NOL10: variants seen among roughly 807,000 people sequenced by gnomAD.
NOL10 encodes H_NH0074G24.1.
A neutral mutation model predicts 103.5 loss-of-function variants in NOL10; 58 were observed. The observed-to-expected ratio is 0.56, with a 90% confidence interval of 0.45 to 0.70. The LOEUF (loss-of-function observed/expected upper bound fraction) is 0.70. Ranked by LOEUF, NOL10 falls within the 30% of genes least tolerant of loss-of-function variation. The pLI, the probability that NOL10 is intolerant of heterozygous loss-of-function variation, is 0.00. For synonymous variants in NOL10, 287 were observed against 282.5 expected (o/e 1.02, Z -0.16); for missense variants, 763 against 807.3 (o/e 0.95, Z 0.67).
At chr2:10,627,024 G>C (rs917968539) in intron 13 of NOL10, among the ~76,000 whole-genome samples, 1 of 152,180 alleles carries the variant, frequency 6.6e-6, no homozygotes, top group African/African-American at 2.4e-5. Context: ...ATGGGAAACG[G>C]GGAGGATATC....
intron 13 of NOL10, among the ~76,000 whole-genome samples, chr2:10,639,105 C>G (rs1678524109): frequency 6.6e-6 from 1 of 151,094 alleles, no homozygotes; most frequent in Non-Finnish European, 1.5e-5. Flanking sequence ...GCCTGGCCAA[C>G]TGAATTACTT....
chr2:10,571,893 G>C lies in NOL10; in HGVS notation c.*178C>G. 1 of 665,992 alleles carries C rather than the reference G, an allele frequency of 1.5e-6. No homozygotes were observed. The highest frequency in any genetic ancestry group is 2.2e-5 in the South Asian group (1 of 44,950). 41.3% of individuals were successfully genotyped at this position (665,992 alleles called of 1,614,324 possible). A position where few individuals can be genotyped will look rare whatever the true frequency, so the allele number is the denominator to read the frequency against. ...CTGGGGCTGTGCGGTGGCCGTCGGC[G>C]GGGCCAGCTTCAAAGTCCAACCCAC... On this transcript the variant is annotated 3_prime_UTR_variant, in exon 21 of 21. Transcript: ENST00000381685.
chr2:10,629,898 T>C (rs1677725201), intron 13 of NOL10, among the ~76,000 whole-genome samples: 1 of 152,170 alleles, frequency 6.6e-6, no homozygotes, highest in African/African-American at 2.4e-5. Flanking sequence ...TTATTCTTTT[T>C]CCCCTCAGTC....
intron 17 of NOL10, among the ~76,000 whole-genome samples, chr2:10,591,864 G>A (rs1326367577): frequency 1.3e-5 from 2 of 152,088 alleles, no homozygotes; most frequent in Admixed American, 6.6e-5. Flanking sequence ...TTAGTCAGGC[G>A]TGGTGGTGCA....
chr2:10,646,940 G>GT (rs962962913), intron 12 of NOL10, among the ~76,000 whole-genome samples: 5 of 152,188 alleles, frequency 3.3e-5, no homozygotes, highest in Admixed American at 2.6e-4. Context: ...AAAGATAACC[G>GT]TAAGTACAGT....
rs548689311 is a variant in NOL10, at chr2:10,640,330, A to G, written c.1026+3990T>C. Reference sequence around the variant, plus strand: ...AGTTTACAAAGAGCAGTTTCCAAGTAAAGACAAGTGGTGCTATAAAATATC... The same window carrying G: ...AGTTTACAAAGAGCAGTTTCCAAGTGAAGACAAGTGGTGCTATAAAATATC... On this transcript the variant is annotated intron_variant, in intron 13 of 20. Transcript: ENST00000381685. Among the ~76,000 whole-genome samples, 102 of 152,348 alleles carry G rather than the reference A, an allele frequency of 6.7e-4. 1 individual carries two copies. The highest frequency in any genetic ancestry group is 2.3e-3 in the African/African-American group (96 of 41,572).
intron 13 of NOL10, among the ~76,000 whole-genome samples, chr2:10,608,461 G>C (rs773129381): frequency 1.3e-5 from 2 of 152,096 alleles, no homozygotes; most frequent in African/African-American, 2.4e-5. Context: ...TATGCCAAAG[G>C]AAACCTTGGC....
intron 5 of NOL10, 64 bp downstream of exon 5, chr2:10,673,456 A>T: frequency 9.9e-7 from 1 of 1,012,652 alleles, no homozygotes; most frequent in Non-Finnish European, 1.4e-6. Context: ...GCTTATCATT[A>T]AAATAAATTC....
At chr2:10,639,845 AT>A (rs545890407) in intron 13 of NOL10, among the ~76,000 whole-genome samples, 6 of 152,276 alleles carry the variant, frequency 3.9e-5, no homozygotes, top group Non-Finnish European at 5.9e-5. Context: ...AATTAAAAAA[AT>A]AAAAATAAAA....
chr2:10,638,301 A>G (rs901813951), intron 13 of NOL10, among the ~76,000 whole-genome samples: 2 of 55,238 alleles, frequency 3.6e-5, no homozygotes, highest in African/African-American at 1.3e-4. Context: ...AAATAACGTA[A>G]CGTGACGTGA....
intron 13 of NOL10, among the ~76,000 whole-genome samples, chr2:10,629,960 T>A (rs1231113587): frequency 6.6e-6 from 1 of 152,200 alleles, no homozygotes; most frequent in Admixed American, 6.5e-5. Context: ...GCTAATTTTT[T>A]AAAACATTTT....
At chr2:10,652,057 T>C (rs1323290786) in intron 12 of NOL10, among the ~76,000 whole-genome samples, 1 of 152,046 alleles carries the variant, frequency 6.6e-6, no homozygotes, top group East Asian at 1.9e-4. Context: ...CTGACCAACA[T>C]GGTGAAACCC....
Position 10,587,158 on chromosome 2 carries a change from C to CATATATAT in NOL10, c.1844+1884_1844+1885insATATATAT, listed in dbSNP as rs1416086112. On this transcript the variant is annotated intron_variant, in intron 19 of 20. Transcript: ENST00000381685. ...ATATACACATATATATACATATATA[C>CATATATAT]ACATATATACACATATATATACACA... is the stretch of plus-strand genomic sequence containing the variant. Among the ~76,000 whole-genome samples, 51 of 33,118 alleles carry CATATATAT rather than the reference C, an allele frequency of 1.5e-3. 2 individuals carry two copies. The highest frequency in any genetic ancestry group is 0.014 in the East Asian group (14 of 1,028). The allele number at this position is 33,118 out of a possible 152,430, so 21.7% of individuals were successfully genotyped here. A position where few individuals can be genotyped will look rare whatever the true frequency, so the allele number is the denominator to read the frequency against.
chr2:10,640,558 G>T (rs902925980), intron 13 of NOL10, among the ~76,000 whole-genome samples: 3 of 152,110 alleles, frequency 2.0e-5, no homozygotes, highest in African/African-American at 7.2e-5. Flanking sequence ...AACTAAAAAG[G>T]TCTTATAAGA....
At chr2:10,634,476 T>C in intron 13 of NOL10, 1 of 456,428 alleles carries the variant, frequency 2.2e-6, no homozygotes, top group Non-Finnish European at 4.4e-6. Flanking sequence ...TGTAGACACA[T>C]TAAACAGGAT....
At chr2:10,618,449 G>A (rs10167129) in intron 13 of NOL10, among the ~76,000 whole-genome samples, 90,046 of 152,014 alleles carry the variant, frequency 0.59, 27,695 homozygotes, top group African/African-American at 0.74. Context: ...TTTCTGGCGA[G>A]AATCACACAG....
intron 13 of NOL10, among the ~76,000 whole-genome samples, chr2:10,610,406 A>G (rs913801127): frequency 2.0e-5 from 3 of 152,252 alleles, no homozygotes; most frequent in Non-Finnish European, 4.4e-5. Flanking sequence ...AGGTCTAGTT[A>G]TGGTAAATAA....
intron 2 of NOL10, among the ~76,000 whole-genome samples, chr2:10,683,114 C>A (rs959460049): frequency 1.3e-5 from 2 of 152,060 alleles, no homozygotes; most frequent in Non-Finnish European, 2.9e-5. Flanking sequence ...GAAACTGCTA[C>A]GAAGCTGACT....
At chr2:10,658,733 C>T (rs1680003021) in intron 10 of NOL10, among the ~76,000 whole-genome samples, 2 of 152,198 alleles carry the variant, frequency 1.3e-5, no homozygotes, top group African/African-American at 4.8e-5. Context: ...TGTCTGACCA[C>T]AGAATTCTGT....
Sources: allele counts gnomAD v4.1 joint callset (sites outside exome capture counted in the v4.1 genomes callset), GRCh38; gene constraint gnomAD v4.1.1; transcripts MANE v1.5; gene names NCBI Gene and HGNC (gene_info 2026-07-23, HGNC 2026-07-21).